PLEKHA7: variants seen among roughly 807,000 people sequenced by gnomAD.
The protein encoded by PLEKHA7 is pleckstrin homology domain-containing family A member 7.
A neutral mutation model predicts 170.0 loss-of-function variants in PLEKHA7; 104 were observed. The ratio of observed to expected loss-of-function variants is 0.61; its 90% CI spans 0.52 to 0.72. PLEKHA7 has a LOEUF of 0.72. Ranked by LOEUF, PLEKHA7 falls within the 30% of genes least tolerant of loss-of-function variation. The probability of loss-of-function intolerance (pLI) is 0.00; values close to 1 mark genes in which losing one functional copy is unlikely to be tolerated. For synonymous variants in PLEKHA7, 648 were observed against 660.8 expected (o/e 0.98, Z 0.30); for missense variants, 1,615 against 1,671.7 (o/e 0.97, Z 0.59).
At chr11:16,840,287 G>A (rs988619014) in intron 9 of PLEKHA7, among the ~76,000 whole-genome samples, 5 of 152,310 alleles carry the variant, frequency 3.3e-5, no homozygotes, top group African/African-American at 7.2e-5. Flanking sequence ...CAGGCCGGGC[G>A]TGGTGGCTCA....
In PLEKHA7 at chr11:16,996,752, C is replaced by T. The variant is rs1007803481; in HGVS notation, c.221+17237G>A. Among the ~76,000 whole-genome samples, 10 of 152,160 alleles carry T rather than the reference C, an allele frequency of 6.6e-5. No homozygotes were observed. In the South Asian group the frequency reaches 8.3e-4, roughly 13 times the overall value. On this transcript the variant is annotated intron_variant, in intron 3 of 26. Transcript: ENST00000531066. ...GAGATCGAGACCATCCTGGCTAACA[C>T]GGTGAAACCCCGTCTCTACTAAAAA... is the stretch of plus-strand genomic sequence containing the variant.
chr11:16,792,532 TA>T (rs5789963), intron 19 of PLEKHA7, among the ~76,000 whole-genome samples: 29,126 of 135,976 alleles, frequency 0.21, 2,925 homozygotes, highest in Admixed American at 0.3. Flanking sequence ...GTACTAAAAT[TA>T]AAAAAAAAAA....
chr11:16,886,232 T>C (rs960172843), intron 3 of PLEKHA7, among the ~76,000 whole-genome samples: 2 of 152,066 alleles, frequency 1.3e-5, no homozygotes, highest in African/African-American at 4.8e-5. Flanking sequence ...TGGAACAAGA[T>C]CACAGACCTC....
chr11:16,935,794 A>G (rs4756875), intron 3 of PLEKHA7, among the ~76,000 whole-genome samples: 137,408 of 152,164 alleles, frequency 0.9, 62,160 homozygotes, highest in African/African-American at 0.97. Context: ...GGGACCAAAG[A>G]AAAAGTGGTA....
In PLEKHA7 at chr11:16,911,150, C is replaced by G. The variant is rs77200331; in HGVS notation, c.222-39968G>C. On this transcript the variant is annotated intron_variant, in intron 3 of 26. Coordinates refer to ENST00000531066, the MANE Select transcript of PLEKHA7 (RefSeq NM_001329630.2). ...TAGCAAATTGCAGTTTGAAACAGCA[C>G]GAGGAAATCAAAATGTGTGTATCTT... Among the ~76,000 whole-genome samples the G allele has an allele frequency of 4.5e-3, 680 of 152,252 alleles. 1 individual carries two copies. The highest frequency in any genetic ancestry group is 7.4e-3 in the Non-Finnish European group (505 of 68,028).
chr11:16,802,142 C>G (rs1848634783), intron 15 of PLEKHA7, among the ~76,000 whole-genome samples: 1 of 152,198 alleles, frequency 6.6e-6, no homozygotes, highest in Non-Finnish European at 1.5e-5. Context: ...ACAAAAACCT[C>G]TTTAGCCTCC....
chr11:16,957,177 TATTCAAGAATAC>T (rs1277006681), intron 3 of PLEKHA7, among the ~76,000 whole-genome samples: 1 of 152,206 alleles, frequency 6.6e-6, no homozygotes, highest in Non-Finnish European at 1.5e-5. Context: ...TCCATGGGGA[TATTCAAGAATAC>T]ATGTTCTTGT....
intron 3 of PLEKHA7, among the ~76,000 whole-genome samples, chr11:16,954,373 C>A (rs931690116): frequency 8.6e-5 from 13 of 151,826 alleles, no homozygotes; most frequent in Admixed American, 2.0e-4. Context: ...ACAACAACAA[C>A]AAAAATTTAA....
intron 3 of PLEKHA7, among the ~76,000 whole-genome samples, chr11:16,942,863 GTAGA>G (rs1860784220): frequency 6.6e-6 from 1 of 152,030 alleles, no homozygotes; most frequent in African/African-American, 2.4e-5. Context: ...TTTTAAAATA[GTAGA>G]TAAACTGCTG....
In PLEKHA7 at chr11:16,816,201, C is replaced by T. The variant is rs755922851; in HGVS notation, c.1930G>A (p.Ala644Thr). ...SMGYMTHTVS[A>T]PSLHGKSADD... ...ACCGATTTTCCATGTAAACTGGGAG[C>T]GCTGACGGTGTGGGTCATGTAACCC... The change falls in exon 12 of 27, where the codon GCT becomes ACT. Residue 644 changes from alanine to threonine, a missense_variant. Ala to Thr is a moderately conservative substitution (Grantham distance 58). Coordinates refer to ENST00000531066, the MANE Select transcript of PLEKHA7 (RefSeq NM_001329630.2). 1.1e-5 allele frequency: 17 copies of T among 1,613,500 alleles called. No homozygotes were observed. Among genetic ancestry groups the T allele is most frequent in the South Asian group, 3.3e-5 (3 of 91,062 alleles).
intron 9 of PLEKHA7, among the ~76,000 whole-genome samples, chr11:16,827,054 T>C (rs1850714510): frequency 6.6e-6 from 1 of 152,180 alleles, no homozygotes; most frequent in South Asian, 2.1e-4. Context: ...ACTCCTGTGC[T>C]CCTATTCTAC....
chr11:16,989,341 T>C (rs1863905510), intron 3 of PLEKHA7, among the ~76,000 whole-genome samples: 1 of 152,222 alleles, frequency 6.6e-6, no homozygotes, highest in African/African-American at 2.4e-5. Flanking sequence ...TTACTCACTC[T>C]TTCCAAGTTT....
At chr11:16,896,070 A>G (rs1053381849) in intron 3 of PLEKHA7, among the ~76,000 whole-genome samples, 2 of 152,176 alleles carry the variant, frequency 1.3e-5, no homozygotes, top group African/African-American at 4.8e-5. Context: ...CTTCCCCAGG[A>G]AAGCTCCTGC....
intron 9 of PLEKHA7, among the ~76,000 whole-genome samples, chr11:16,829,022 T>TC (rs1850891680): frequency 1.3e-5 from 2 of 152,096 alleles, no homozygotes; most frequent in Admixed American, 6.5e-5. Context: ...CTTTTTTTTT[T>TC]CACAGCGTCT....
chr11:16,848,493 T>C (rs1159217483), intron 8 of PLEKHA7, among the ~76,000 whole-genome samples: 2 of 152,252 alleles, frequency 1.3e-5, no homozygotes, highest in African/African-American at 4.8e-5. Context: ...ATCTATTATA[T>C]TGAAATATAG....
chr11:16,923,738 T>A (rs116010075), intron 3 of PLEKHA7, among the ~76,000 whole-genome samples: 2 of 152,152 alleles, frequency 1.3e-5, no homozygotes, highest in South Asian at 4.2e-4. Context: ...GCCCACCCTA[T>A]TCCCCACACT....
chr11:16,846,892 G>A (rs533710505), intron 8 of PLEKHA7, among the ~76,000 whole-genome samples: 8 of 152,122 alleles, frequency 5.3e-5, no homozygotes, highest in Middle Eastern at 3.4e-3. Flanking sequence ...CAGTTTTCCC[G>A]GTGAAAGGTC....
At chr11:17,007,241 T>A (rs1028572253) in intron 3 of PLEKHA7, among the ~76,000 whole-genome samples, 4 of 152,242 alleles carry the variant, frequency 2.6e-5, no homozygotes, top group Non-Finnish European at 5.9e-5. Context: ...AACATTATAT[T>A]CTACAATATA....
At chr11:16,794,252 C>A (rs959783872) in intron 19 of PLEKHA7, among the ~76,000 whole-genome samples, 1 of 152,004 alleles carries the variant, frequency 6.6e-6, no homozygotes, top group South Asian at 2.1e-4. Flanking sequence ...TCAGTTTTCC[C>A]AACTGCAAAA....
Sources: gnomAD v4.1 joint callset for allele counts (sites outside exome capture counted in the v4.1 genomes callset) on GRCh38, gnomAD v4.1.1 for gene constraint, MANE v1.5 for transcripts, NCBI Gene and HGNC (gene_info 2026-07-23, HGNC 2026-07-21) for gene names.